SFXN5: variants seen among roughly 807,000 people sequenced by gnomAD.
The protein encoded by SFXN5 is sideroflexin-5.
In SFXN5, 43 loss-of-function variants were observed where a neutral mutation model predicts 50.2. That is an observed-to-expected ratio of 0.86 (90% confidence interval 0.67 to 1.11). SFXN5 has a LOEUF of 1.11. SFXN5 is among the 50% of genes least tolerant of loss of function. SFXN5 has a pLI of 0.00. For missense variants in SFXN5, 463 were observed against 454.1 expected (o/e 1.02, Z -0.18); for synonymous variants, 203 against 185.8 (o/e 1.09, Z -0.75).
At position 73,058,862 on chromosome 2, in the gene SFXN5, T is replaced by C. The variant is rs558696773; in HGVS notation, c.103-266A>G. On this transcript the variant is annotated intron_variant, in intron 1 of 13. Transcript: ENST00000272433. Reference sequence around the variant, plus strand: ...GGTGACTTCCATTTTCCCCTCTCTCTCCCAGTGCCCTGAGATCTATTCTGA... The same window carrying C: ...GGTGACTTCCATTTTCCCCTCTCTCCCCCAGTGCCCTGAGATCTATTCTGA... The C allele has an allele frequency of 5.4e-5, 26 of 480,692 alleles. No individual in the cohort carries two copies. The Admixed American group carries it at 6.4e-4, about 12-fold the overall frequency. The allele number at this position is 480,692 out of a possible 1,614,324, so 29.8% of individuals were successfully genotyped here.
chr2:72,966,028 T>C (rs902589493), intron 12 of SFXN5, among the ~76,000 whole-genome samples: 2 of 152,152 alleles, frequency 1.3e-5, no homozygotes, highest in Non-Finnish European at 2.9e-5. Context: ...TGCAACACTT[T>C]AGCACAGTAA....
At chr2:72,959,426 GA>G (rs1673461446) in intron 13 of SFXN5, among the ~76,000 whole-genome samples, 4 of 151,946 alleles carry the variant, frequency 2.6e-5, no homozygotes, top group Non-Finnish European at 5.9e-5. Flanking sequence ...TGCACTCCCA[GA>G]CCACGTGCTG....
chr2:73,051,531 C>T (rs555737197), intron 2 of SFXN5, among the ~76,000 whole-genome samples: 2 of 152,326 alleles, frequency 1.3e-5, no homozygotes, highest in Non-Finnish European at 2.9e-5. Context: ...GCTGGGATTA[C>T]AGGCGTGAGC....
Position 73,058,615 on chromosome 2 carries a change from G to C in SFXN5, c.103-19C>G. ...AGGACGTCTGAAGAAGAGGATGAGA[G>C]AGAAGAGTGAATGGATCAGCTGCTG... On this transcript the variant is annotated intron_variant, in intron 1 of 13. Transcript: ENST00000272433. 5 of 1,612,070 alleles carry C rather than the reference G, an allele frequency of 3.1e-6. No homozygotes were observed. Among genetic ancestry groups the C allele is most frequent in the Non-Finnish European group, 3.4e-6 (4 of 1,178,202 alleles).
chr2:73,052,375 T>C (rs1303159863), intron 2 of SFXN5, among the ~76,000 whole-genome samples: 1 of 151,178 alleles, frequency 6.6e-6, no homozygotes, highest in Non-Finnish European at 1.5e-5. Context: ...TGTGTGTGTG[T>C]GTGTGTGTGT....
At chr2:73,031,680 G>A (rs1678325670) in intron 3 of SFXN5, among the ~76,000 whole-genome samples, 1 of 152,204 alleles carries the variant, frequency 6.6e-6, no homozygotes, top group Non-Finnish European at 1.5e-5. Flanking sequence ...CAGAGGTTTT[G>A]GGGTGAGTTG....
chr2:72,951,469 T>C (rs1056209427), intron 13 of SFXN5, among the ~76,000 whole-genome samples: 1 of 151,970 alleles, frequency 6.6e-6, no homozygotes, highest in African/African-American at 2.4e-5. Flanking sequence ...TCACTGTGGG[T>C]GGGGGGCTAG....
At chr2:73,047,275 T>TATATATACAC (rs1300799277) in intron 2 of SFXN5, among the ~76,000 whole-genome samples, 2 of 51,744 alleles carry the variant, frequency 3.9e-5, no homozygotes, top group African/African-American at 8.1e-5. Flanking sequence ...TATATATATA[T>TATATATACAC]ACACACATAT....
At chr2:72,946,878 A>G (rs114489217) in intron 13 of SFXN5, among the ~76,000 whole-genome samples, 1,886 of 151,700 alleles carry the variant, frequency 0.012, 43 homozygotes, top group African/African-American at 0.044. Context: ...ATCAAGTCAG[A>G]CTCCCGCGCC....
chr2:73,042,660 C>T (rs771869708), intron 2 of SFXN5: 1 of 151,932 alleles, frequency 6.6e-6, no homozygotes, highest in Non-Finnish European at 1.5e-5. Flanking sequence ...GGCATGGTGC[C>T]GAGTGCCTGT....
chr2:73,025,100 C>T (rs1677390171), intron 3 of SFXN5, among the ~76,000 whole-genome samples: 1 of 151,880 alleles, frequency 6.6e-6, no homozygotes, highest in Non-Finnish European at 1.5e-5. Context: ...TCACTGCTAG[C>T]ACAAAGGTTA....
intron 13 of SFXN5, among the ~76,000 whole-genome samples, chr2:72,946,097 G>A (rs769865824): frequency 4.6e-5 from 5 of 108,642 alleles, no homozygotes; most frequent in Admixed American, 3.5e-4. Flanking sequence ...CCCTCCCCTC[G>A]CAGGACAGGA....
intron 1 of SFXN5, among the ~76,000 whole-genome samples, chr2:73,062,790 AT>A (rs1682912332): frequency 6.6e-6 from 1 of 152,172 alleles, no homozygotes; most frequent in African/African-American, 2.4e-5. Flanking sequence ...AGTTCTTCCT[AT>A]GTCTTCCTAG....
chr2:72,959,944 G>A (rs181787136), intron 13 of SFXN5, among the ~76,000 whole-genome samples: 7 of 152,038 alleles, frequency 4.6e-5, no homozygotes, highest in East Asian at 1.9e-4. Context: ...GTTTGGCTAC[G>A]TTGCCTGAGA....
At chr2:73,033,101 G>A (rs184300780) in intron 3 of SFXN5, among the ~76,000 whole-genome samples, 10 of 152,214 alleles carry the variant, frequency 6.6e-5, no homozygotes, top group Admixed American at 5.9e-4. Context: ...TGTGATTTAG[G>A]GCAATACGCT....
chr2:72,986,094 C>T (rs1422912466), intron 10 of SFXN5, among the ~76,000 whole-genome samples: 4 of 152,210 alleles, frequency 2.6e-5, no homozygotes, highest in Admixed American at 6.5e-5. Flanking sequence ...GTTGGGCAGC[C>T]GTGTTTGCTT....
chr2:73,015,476 CCT>C (rs1307685588), intron 6 of SFXN5, among the ~76,000 whole-genome samples: 3 of 151,420 alleles, frequency 2.0e-5, no homozygotes, highest in Non-Finnish European at 4.4e-5. Context: ...TCCTTTTTTT[CCT>C]CTCTCTTTTT....
chr2:72,963,939 A>G (rs568270044), intron 12 of SFXN5, among the ~76,000 whole-genome samples: 1 of 152,250 alleles, frequency 6.6e-6, no homozygotes, highest in South Asian at 2.1e-4. Flanking sequence ...CACCCAGTGG[A>G]CTGCACCCCC....
At chr2:73,005,518 G>A (rs752958221) in intron 6 of SFXN5, among the ~76,000 whole-genome samples, 3 of 152,222 alleles carry the variant, frequency 2.0e-5, no homozygotes, top group Admixed American at 6.5e-5. Context: ...GTTATGAGAG[G>A]AAGTAAGGTG....
Sources: allele counts gnomAD v4.1 joint callset (sites outside exome capture counted in the v4.1 genomes callset), GRCh38; gene constraint gnomAD v4.1.1; transcripts MANE v1.5; gene names NCBI Gene and HGNC (gene_info 2026-07-23, HGNC 2026-07-21).